The following CAMTA1 variants were observed in gnomAD, a reference collection of about 807,000 sequenced individuals.
CAMTA1 encodes the protein calmodulin binding transcription activator 1.
In CAMTA1, 27 loss-of-function variants were observed where a neutral mutation model predicts 170.9. That is an observed-to-expected ratio of 0.16 (90% CI 0.12 to 0.22). The LOEUF (loss-of-function observed/expected upper bound fraction) is 0.22. Ranked by LOEUF, CAMTA1 falls within the 10% of genes least tolerant of loss-of-function variation. The pLI, the probability that CAMTA1 is intolerant of heterozygous loss-of-function variation, is 1.00. For missense variants in CAMTA1, 1,619 were observed against 2,217.2 expected (o/e 0.73, Z 5.42); for synonymous variants, 833 against 891.5 (o/e 0.93, Z 1.17).
At position 7,463,886 on chromosome 1, in the gene CAMTA1, C is replaced by G. The variant is rs569626758; in HGVS notation, c.439-3944C>G. 1.3e-5 allele frequency among the ~76,000 whole-genome samples: 2 copies of G among 152,190 alleles called. No individual in the cohort carries two copies. Among genetic ancestry groups the G allele is most frequent in the Admixed American group, 6.5e-5 (1 of 15,284 alleles). On this transcript the variant is annotated intron_variant, in intron 5 of 22. Coordinates refer to ENST00000303635, the MANE Select transcript of CAMTA1 (RefSeq NM_015215.4). The surrounding 1 kb of genome is among the most constrained non-coding windows in gnomAD (Gnocchi z 4.7). Reference sequence around the variant, plus strand: ...TCTGCGGCCATGCTCCCTTCAGAAACGCCACTTTCTTTTTTGAGGCATTTA... The same window carrying G: ...TCTGCGGCCATGCTCCCTTCAGAAAGGCCACTTTCTTTTTTGAGGCATTTA...
intron 4 of CAMTA1, among the ~76,000 whole-genome samples, chr1:7,118,474 T>A (rs894719589): frequency 5.3e-5 from 8 of 151,660 alleles, no homozygotes; most frequent in African/African-American, 1.9e-4. Context: ...AAAAAAAATT[T>A]TTTTTTGGAG....
intron 5 of CAMTA1, among the ~76,000 whole-genome samples, chr1:7,383,322 GCACT>G (rs1364353443): frequency 6.6e-6 from 1 of 151,896 alleles, no homozygotes; most frequent in Non-Finnish European, 1.5e-5. Flanking sequence ...ATTTCTCTGT[GCACT>G]TACTCAGACG....
At chr1:6,885,315 A>G (rs1028666745) in intron 3 of CAMTA1, among the ~76,000 whole-genome samples, 1 of 152,224 alleles carries the variant, frequency 6.6e-6, no homozygotes, top group African/African-American at 2.4e-5. Flanking sequence ...TTAATTTGGC[A>G]CACACACAAT....
rs2092929853 is a variant in CAMTA1, at chr1:7,455,533, G to A, written c.439-12297G>A. Among the ~76,000 whole-genome samples, 2 of 152,200 alleles carry A rather than the reference G, an allele frequency of 1.3e-5. No homozygotes were observed. Among genetic ancestry groups the A allele is most frequent in the South Asian group, 2.1e-4 (1 of 4,828 alleles). ...CATTAACATAGCCACAGACCGGCCC[G>A]GCGTTTCCCTCCACCTGCTTCATAA... On this transcript the variant is annotated intron_variant, in intron 5 of 22. Transcript: ENST00000303635. The surrounding 1 kb of genome is among the most constrained non-coding windows in gnomAD (Gnocchi z 5.0).
chr1:7,460,154 G>A (rs946687901), intron 5 of CAMTA1, among the ~76,000 whole-genome samples: 2 of 152,242 alleles, frequency 1.3e-5, no homozygotes, highest in East Asian at 3.9e-4. Context: ...CCCCGCATGC[G>A]GGACGCGGAT....
chr1:7,628,143 C>T (rs2095645827), intron 6 of CAMTA1, among the ~76,000 whole-genome samples: 1 of 152,178 alleles, frequency 6.6e-6, no homozygotes, highest in South Asian at 2.1e-4. Context: ...TGTCTTCTCC[C>T]CTCAGCCCTG....
intron 4 of CAMTA1, among the ~76,000 whole-genome samples, chr1:7,187,237 C>T (rs1259650543): frequency 6.6e-6 from 1 of 152,046 alleles, no homozygotes; most frequent in Non-Finnish European, 1.5e-5. Flanking sequence ...GAATCCTGAC[C>T]AGTGCCAGCC....
chr1:6,842,747 C>T (rs1382969756), intron 3 of CAMTA1, among the ~76,000 whole-genome samples: 1 of 152,066 alleles, frequency 6.6e-6, no homozygotes, highest in African/African-American at 2.4e-5. Flanking sequence ...CATGGTGAAA[C>T]CACGTCTCTA....
chr1:6,793,104 A>C (rs997949739), intron 1 of CAMTA1, among the ~76,000 whole-genome samples: 2 of 152,008 alleles, frequency 1.3e-5, no homozygotes, highest in African/African-American at 4.8e-5. Context: ...CCTACCTGCA[A>C]ATCCCAAAAC....
At chr1:7,747,843 T>C in intron 19 of CAMTA1, 62 bp downstream of exon 19, 1 of 1,138,470 alleles carries the variant, frequency 8.8e-7, no homozygotes, top group Middle Eastern at 2.0e-4. Context: ...CTGAAGATCC[T>C]GGTTTGGCTA....
intron 5 of CAMTA1, among the ~76,000 whole-genome samples, chr1:7,301,520 A>G (rs1557472250): frequency 6.6e-6 from 1 of 152,068 alleles, no homozygotes; most frequent in African/African-American, 2.4e-5. Flanking sequence ...GTGAGCCTGT[A>G]GTGCTGGTGC....
At chr1:6,804,178 T>G (rs1256098572) in intron 1 of CAMTA1, among the ~76,000 whole-genome samples, 1 of 141,220 alleles carries the variant, frequency 7.1e-6, no homozygotes, top group African/African-American at 2.6e-5. Context: ...GCGAAACTCT[T>G]TTTTTTTTTT....
chr1:7,679,793 C>A (rs2096168437), intron 11 of CAMTA1, among the ~76,000 whole-genome samples: 1 of 152,248 alleles, frequency 6.6e-6, no homozygotes, highest in Non-Finnish European at 1.5e-5. Flanking sequence ...GAGCGCCCTG[C>A]TGAACCAGAG....
intron 3 of CAMTA1, among the ~76,000 whole-genome samples, chr1:7,058,757 C>T (rs1159321361): frequency 6.6e-6 from 1 of 152,148 alleles, no homozygotes; most frequent in Admixed American, 6.5e-5. Flanking sequence ...TTTCCTTAAA[C>T]TAGCACATTC....
At chr1:7,766,228 C>G (rs964169332) in intron 22 of CAMTA1, among the ~76,000 whole-genome samples, 1 of 147,862 alleles carries the variant, frequency 6.8e-6, no homozygotes, top group Admixed American at 6.8e-5. Context: ...TTAGAGCGCT[C>G]GATGTAGAGC....
intron 3 of CAMTA1, among the ~76,000 whole-genome samples, chr1:7,015,185 A>G (rs1700353200): frequency 6.6e-6 from 1 of 152,124 alleles, no homozygotes; most frequent in South Asian, 2.1e-4. Flanking sequence ...GGTGAGCTGC[A>G]TGGGCCTCCC....
At chr1:7,533,731 G>A (rs905839898) in intron 6 of CAMTA1, among the ~76,000 whole-genome samples, 18 of 152,118 alleles carry the variant, frequency 1.2e-4, no homozygotes, top group African/African-American at 4.3e-4. Context: ...TGGCCAACAT[G>A]GTGAAACCCT....
At chr1:7,147,144 G>A (rs946490372) in intron 4 of CAMTA1, among the ~76,000 whole-genome samples, 3 of 151,338 alleles carry the variant, frequency 2.0e-5, no homozygotes, top group African/African-American at 7.3e-5. Flanking sequence ...CACACAGCCA[G>A]GCATGATGGC....
At chr1:7,399,897 A>C (rs951814561) in intron 5 of CAMTA1, among the ~76,000 whole-genome samples, 3 of 152,192 alleles carry the variant, frequency 2.0e-5, no homozygotes, top group Non-Finnish European at 4.4e-5. Context: ...TGCACCTTTT[A>C]AAATTCTCTC....
Sources: allele counts gnomAD v4.1 joint callset (sites outside exome capture counted in the v4.1 genomes callset), GRCh38; gene constraint gnomAD v4.1.1; non-coding constraint Gnocchi (gnomAD v3.1); transcripts MANE v1.5; gene names NCBI Gene and HGNC (gene_info 2026-07-23, HGNC 2026-07-21).